Variants in KDM5B observed in about 807,000 individuals in gnomAD.
KDM5B encodes lysine demethylase 5B, also known as lysine-specific demethylase 5B.
In KDM5B, 144 loss-of-function variants were observed where a neutral mutation model predicts 193.4. The observed-to-expected ratio is 0.74, with a 90% CI of 0.65 to 0.86. The LOEUF (loss-of-function observed/expected upper bound fraction) is 0.86, where lower values mean the gene tolerates loss of function less well. Among genes scored for constraint, KDM5B ranks in the 40% least tolerant of loss-of-function variants. The pLI, the probability that KDM5B is intolerant of heterozygous loss-of-function variation, is 0.00. For synonymous variants in KDM5B, 668 were observed against 682.6 expected, an observed-to-expected ratio of 0.98 and a Z score of 0.33; for missense variants, 1,833 against 1,886.9, an observed-to-expected ratio of 0.97 and a Z score of 0.53.
chr1:202,790,455 C>CA (rs1657602375), intron 1 of KDM5B, among the ~76,000 whole-genome samples: 1 of 152,018 alleles, frequency 6.6e-6, no homozygotes, highest in Non-Finnish European at 1.5e-5. Context: ...CACCATGGCT[C>CA]ATGCCTGTAA....
Position 202,726,647 on chromosome 1 carries a change from A to G in KDM5B, c.*2389T>C, listed in dbSNP as rs1451856142. ...AAGTGTCAGTTTCCATGTGCATTTT[A>G]TCATTTTCCCCTACAAGTTCAGAGG... On this transcript the variant is annotated 3_prime_UTR_variant, in exon 27 of 27. Coordinates refer to ENST00000367265, the MANE Select transcript of KDM5B (RefSeq NM_006618.5). The G allele has an allele frequency of 6.6e-6, 1 of 152,148 alleles. No homozygotes were observed. Among genetic ancestry groups the G allele is most frequent in the Non-Finnish European group, 1.5e-5 (1 of 68,024 alleles). 9.4% of individuals were successfully genotyped at this position (152,148 alleles called of 1,614,324 possible). A position where few individuals can be genotyped will look rare whatever the true frequency, so the allele number is the denominator to read the frequency against.
At chr1:202,764,850 A>T (rs998587884) in intron 5 of KDM5B, among the ~76,000 whole-genome samples, 4 of 151,944 alleles carry the variant, frequency 2.6e-5, no homozygotes, top group Non-Finnish European at 4.4e-5. Flanking sequence ...TGTTGTGCAC[A>T]CCTGTGGTCC....
At chr1:202,730,073 A>G in intron 25 of KDM5B, 46 bp from the exon 26 acceptor site, 2 of 1,473,516 alleles carry the variant, frequency 1.4e-6, no homozygotes, top group South Asian at 1.3e-5. Flanking sequence ...TGGGTCACCT[A>G]TTACTAAAAC....
Position 202,750,729 on chromosome 1 carries a change from C to T in KDM5B, c.1751G>A (p.Arg584Lys). The T allele has an allele frequency of 6.2e-7, 1 of 1,613,894 alleles. No homozygotes were observed. The highest frequency in any genetic ancestry group is 1.1e-5 in the South Asian group (1 of 91,088). Reference protein sequence around the residue: ...CAGEFVITFPRAYHSGFNQGF... With the variant: ...CAGEFVITFPKAYHSGFNQGF... Reference sequence around the variant, plus strand: ...CTGGTTAAAACCACTGTGGTAGGCTCTTGGAAATGTAATCACAAACTCCCC... The same window carrying T: ...CTGGTTAAAACCACTGTGGTAGGCTTTTGGAAATGTAATCACAAACTCCCC... The change falls in exon 13 of 27, where the codon AGA becomes AAA. Residue 584 changes from arginine to lysine, a missense_variant. Transcript: ENST00000367265.
chr1:202,791,184 C>A (rs1275194923), intron 1 of KDM5B, among the ~76,000 whole-genome samples: 1 of 152,102 alleles, frequency 6.6e-6, no homozygotes, highest in Admixed American at 6.5e-5. Context: ...AAATTTATTG[C>A]CATAGTCCAA....
chr1:202,803,652 C>T (rs1443558964), intron 1 of KDM5B, among the ~76,000 whole-genome samples: 1 of 151,988 alleles, frequency 6.6e-6, no homozygotes, highest in Non-Finnish European at 1.5e-5. Context: ...GGTGAAACCT[C>T]GTCTCTACTA....
intron 1 of KDM5B, chr1:202,796,219 G>C (rs1657839790): frequency 3.4e-6 from 1 of 295,754 alleles, no homozygotes; most frequent in Non-Finnish European, 6.8e-6. Flanking sequence ...CTTATGCCAA[G>C]CTGCCCTCCT....
At chr1:202,783,890 AG>A (rs1657302861) in intron 1 of KDM5B, among the ~76,000 whole-genome samples, 1 of 152,138 alleles carries the variant, frequency 6.6e-6, no homozygotes, top group Non-Finnish European at 1.5e-5. Context: ...AAAAAAAAAA[AG>A]AAGTTGAATT....
At position 202,808,134 on chromosome 1, in the gene KDM5B, G is replaced by C; in HGVS notation, c.172C>G (p.Gln58Glu). The change falls in exon 1 of 27, where the codon CAG (glutamine) becomes GAG (glutamate). Residue 58 changes from glutamine to glutamate, a missense_variant. Transcript: ENST00000367265. ...GGCCGCACCTTACAGATGCCAGTCTGCTCGGCTATGGGCCGGATCTTGTGG... is the reference window on the plus strand; with the variant it reads ...GGCCGCACCTTACAGATGCCAGTCTCCTCGGCTATGGGCCGGATCTTGTGG... ...FIHKIRPIAE[Q>E]TGICKVRPPP... The C allele has an allele frequency of 6.2e-7, 1 of 1,612,584 alleles. No individual in the cohort carries two copies. The highest frequency in any genetic ancestry group is 8.5e-7 in the Non-Finnish European group (1 of 1,179,420).
At chr1:202,729,398 C>G in intron 26 of KDM5B, 2 of 612,710 alleles carry the variant, frequency 3.3e-6, no homozygotes, top group South Asian at 4.0e-5. Flanking sequence ...GTTAAGACAG[C>G]GCTGCCCTGT....
chr1:202,796,265 C>A, intron 1 of KDM5B: 1 of 416,246 alleles, frequency 2.4e-6, no homozygotes. Flanking sequence ...GTCCTGGAGC[C>A]TCTGTACCTA....
Position 202,733,678 on chromosome 1 carries a change from T to C in KDM5B, c.3632A>G (p.Gln1211Arg), listed in dbSNP as rs1360509757. 1 of 1,614,170 alleles carries C rather than the reference T, an allele frequency of 6.2e-7. No individual in the cohort carries two copies. Among genetic ancestry groups the C allele is most frequent in the Non-Finnish European group, 8.5e-7 (1 of 1,180,028 alleles). The change falls in exon 23 of 27, where the codon CAG (glutamine) becomes CGG (arginine). Residue 1211 changes from glutamine (Q) to arginine (R), a missense_variant. By Grantham distance (43) the Gln-to-Arg change is conservative. Transcript: ENST00000367265. ...TSCVAVPSIS[Q>R]GLRIWLCPHC... ...GGGACAAAGCCAGATTCGCAGGCCC[T>C]GTGAAATACTGGGTACCGCCACACA...
Position 202,808,239 on chromosome 1 carries a change from GCGGGCCCGGGCCCCCGAGGGGCAGCGC to G in KDM5B, c.40_66del (p.Ala14_Pro22del). 2.5e-6 allele frequency: 4 copies of G among 1,611,730 alleles called. No homozygotes were observed. Among genetic ancestry groups the G allele is most frequent in the Non-Finnish European group, 3.4e-6 (4 of 1,179,392 alleles). Reference sequence around the variant, plus strand: ...TCGGGTGGAGGCAGGAACTCGCCCAGCGGGCCCGGGCCCCCGAGGGGCAGCGCCGGGCGCGGGCCTGGGTGCAGTGTG... The same window carrying G: ...TCGGGTGGAGGCAGGAACTCGCCCAGCGGGCGCGGGCCTGGGTGCAGTGTG... On this transcript the variant is annotated inframe_deletion, in exon 1 of 27. Coordinates refer to ENST00000367265, the MANE Select transcript of KDM5B (RefSeq NM_006618.5).
chr1:202,740,998 A>ATT (rs1655314713), intron 19 of KDM5B, among the ~76,000 whole-genome samples, 186 bp from the exon 20 acceptor site: 2 of 152,120 alleles, frequency 1.3e-5, no homozygotes, highest in Non-Finnish European at 2.9e-5. Context: ...ATTAACTCTC[A>ATT]CACATTTCTC....
chr1:202,731,260 T>C (rs1654874083), intron 24 of KDM5B, among the ~76,000 whole-genome samples, 197 bp from the exon 25 acceptor site: 1 of 152,242 alleles, frequency 6.6e-6, no homozygotes, highest in Admixed American at 6.5e-5. Context: ...CAAAACTAGA[T>C]TTCCTAAGTC....
chr1:202,755,743 A>C (rs1655982847), intron 10 of KDM5B, among the ~76,000 whole-genome samples: 1 of 152,150 alleles, frequency 6.6e-6, no homozygotes, highest in Non-Finnish European at 1.5e-5. Context: ...ACTAATCTAT[A>C]GTGTTAGAAG....
rs547369341 is a variant in KDM5B at position 202,728,925 on chromosome 1, G to A, written c.*111C>T. The A allele has an allele frequency of 7.8e-6, 10 of 1,276,312 alleles. No individual in the cohort carries two copies. The highest frequency in any genetic ancestry group is 1.8e-5 in the Admixed American group (1 of 56,784). 79.1% of individuals were successfully genotyped at this position (1,276,312 alleles called of 1,614,324 possible). A position where few individuals can be genotyped will look rare whatever the true frequency, so the allele number is the denominator to read the frequency against. On this transcript the variant is annotated 3_prime_UTR_variant, in exon 27 of 27. Coordinates refer to ENST00000367265, the MANE Select transcript of KDM5B (RefSeq NM_006618.5). ...TCCCATAAGGAATAGAAATAGCACC[G>A]TTTACAGGCTGGCTTGAGTACCAGT... is the stretch of plus-strand genomic sequence containing the variant.
chr1:202,742,413 A>C lies in KDM5B; in HGVS notation c.2567T>G (p.Leu856Arg), dbSNP rs1655380125. The C allele has an allele frequency of 6.2e-7, 1 of 1,613,496 alleles. No individual in the cohort carries two copies. Among genetic ancestry groups the C allele is most frequent in the African/African-American group, 1.3e-5 (1 of 74,928 alleles). ...VTQLYALPCV[L>R]SQTPLLKDLL... ...TACCTTTAGTAATGGTGTCTGACTG[A>C]GGACACATGGAAGAGCATACAGCTG... Residue 856 changes from leucine (L) to arginine (R), a missense_variant, in exon 18 of 27, where the codon CTC becomes CGC. Transcript: ENST00000367265.
chr1:202,771,993 G>T (rs1236405814), intron 4 of KDM5B, among the ~76,000 whole-genome samples: 1 of 152,118 alleles, frequency 6.6e-6, no homozygotes, highest in Non-Finnish European at 1.5e-5. Context: ...GCTAAAAAGT[G>T]TTCACCTGGA....
Sources: allele counts gnomAD v4.1 joint callset (sites outside exome capture counted in the v4.1 genomes callset), GRCh38; gene constraint gnomAD v4.1.1; transcripts MANE v1.5; gene names NCBI Gene and HGNC (gene_info 2026-07-23, HGNC 2026-07-21).